Variants in VSX2 observed in about 807,000 individuals in gnomAD.
The protein encoded by VSX2 is ceh-10 homeo domain containing homolog.
In VSX2, 28 loss-of-function variants were observed where a neutral mutation model predicts 32.1. The observed-to-expected ratio is 0.87, with a 90% CI of 0.65 to 1.20. VSX2 has a LOEUF of 1.20. Ranked by LOEUF, VSX2 falls within the 50% of genes most tolerant of loss-of-function variation. The pLI is 0.00. For missense variants in VSX2, 506 were observed against 488.7 expected (o/e 1.04, Z -0.33); for synonymous variants, 243 against 214.1 (o/e 1.14, Z -1.18).
chr14:74,245,697 TG>T (rs1197439973), intron 3 of VSX2, among the ~76,000 whole-genome samples: 2 of 151,852 alleles, frequency 1.3e-5, no homozygotes, highest in African/African-American at 2.4e-5. Flanking sequence ...AAGAGGAAGG[TG>T]GCTTCTAGTC....
rs913470737 is a variant in VSX2 at position 74,252,352 on chromosome 14, A to G, written c.579+7064A>G. 3.3e-5 allele frequency among the ~76,000 whole-genome samples: 5 copies of G among 151,514 alleles called. No homozygotes were observed. The East Asian group carries it at 9.7e-4, about 29-fold the overall frequency. Reference sequence around the variant, plus strand: ...GGAGGCACCTGCCAGACAACTGTGGACAGCCACAGTCTTTCCACACAACCT... The same window carrying G: ...GGAGGCACCTGCCAGACAACTGTGGGCAGCCACAGTCTTTCCACACAACCT... On this transcript the variant is annotated intron_variant, in intron 3 of 4. Coordinates refer to ENST00000261980, the MANE Select transcript of VSX2 (RefSeq NM_182894.3).
At chr14:74,242,556 T>C (rs561325881) in intron 2 of VSX2, among the ~76,000 whole-genome samples, 38 of 152,212 alleles carry the variant, frequency 2.5e-4, no homozygotes, top group Non-Finnish European at 4.3e-4. Context: ...TGCATTTGTT[T>C]AGTTTGTATT....
rs542859512 is a variant in VSX2 at position 74,246,716 on chromosome 14, G to A, written c.579+1428G>A. On this transcript the variant is annotated intron_variant, in intron 3 of 4. Transcript: ENST00000261980. ...CATTCCAGGTGGCTGCGGCAGGGAGGAGCAATGACAAATCCCCGCTGTTGG... is the reference window on the plus strand; with the variant it reads ...CATTCCAGGTGGCTGCGGCAGGGAGAAGCAATGACAAATCCCCGCTGTTGG... Among the ~76,000 whole-genome samples the A allele has an allele frequency of 9.7e-4, 147 of 152,280 alleles. 9 individuals carry two copies. The South Asian group carries it at 0.03, about 31-fold the overall frequency.
chr14:74,244,921 T>TGA (rs1284411032), intron 2 of VSX2, among the ~76,000 whole-genome samples: 17 of 36,970 alleles, frequency 4.6e-4, no homozygotes, highest in Middle Eastern at 0.014. Context: ...TGTGTGTGTG[T>TGA]GTGTGTGTGA....
At position 74,261,210 on chromosome 14, in the gene VSX2, A is replaced by T. The variant is rs148109679; in HGVS notation, c.*291A>T. 2.5e-3 allele frequency: 1,151 copies of T among 467,776 alleles called. 9 individuals carry two copies. The highest frequency in any genetic ancestry group is 0.02 in the African/African-American group (1,026 of 52,090). The allele number at this position is 467,776 out of a possible 1,614,324, so 29.0% of individuals were successfully genotyped here. On this transcript the variant is annotated 3_prime_UTR_variant, in exon 5 of 5. Transcript: ENST00000261980. ...TTCTCTCAATCCCTTTGCAACGCTC[A>T]CTGGTTTTGGCCACCCCTTGCTCTC...
intron 3 of VSX2, among the ~76,000 whole-genome samples, chr14:74,246,001 C>T (rs920561002): frequency 1.2e-4 from 18 of 152,228 alleles, no homozygotes; most frequent in African/African-American, 1.2e-4. Flanking sequence ...CTCCACTTAG[C>T]GGCAGCAGGA....
chr14:74,246,583 G>C (rs1441152860), intron 3 of VSX2, among the ~76,000 whole-genome samples: 1 of 152,204 alleles, frequency 6.6e-6, no homozygotes, highest in Non-Finnish European at 1.5e-5. Context: ...GAGGTAAGCT[G>C]GGCGTTGATG....
intron 2 of VSX2, among the ~76,000 whole-genome samples, chr14:74,242,200 C>G (rs1409706638): frequency 2.6e-5 from 4 of 152,134 alleles, no homozygotes; most frequent in Admixed American, 6.6e-5. Context: ...GGTGCTGCCC[C>G]GGCGCTCACC....
chr14:74,260,511 CCTCT>C (rs1410041046), intron 4 of VSX2, 79 bp from the exon 5 acceptor site: 8 of 1,351,298 alleles, frequency 5.9e-6, no homozygotes, highest in African/African-American at 2.9e-5. Flanking sequence ...TTAATTCTGG[CCTCT>C]CTCTATCTTT....
chr14:74,247,592 C>T (rs1250551113), intron 3 of VSX2, among the ~76,000 whole-genome samples: 2 of 152,316 alleles, frequency 1.3e-5, no homozygotes, highest in East Asian at 3.9e-4. Flanking sequence ...GAGGCACAGC[C>T]TCTTGCCCAG....
At chr14:74,246,977 T>C (rs1311446238) in intron 3 of VSX2, among the ~76,000 whole-genome samples, 1 of 152,018 alleles carries the variant, frequency 6.6e-6, no homozygotes, top group Non-Finnish European at 1.5e-5. Context: ...GGGTTGCCTA[T>C]AAGGTGGTAT....
chr14:74,242,755 C>G (rs2079159162), intron 2 of VSX2, among the ~76,000 whole-genome samples: 1 of 151,934 alleles, frequency 6.6e-6, no homozygotes, highest in African/African-American at 2.4e-5. Context: ...GCAGGGAGGG[C>G]AGGTCAGAGA....
At chr14:74,245,084 C>G in intron 2 of VSX2, 81 bp from the exon 3 acceptor site, 1 of 1,596,842 alleles carries the variant, frequency 6.3e-7, no homozygotes, top group Non-Finnish European at 8.5e-7. Flanking sequence ...CCAGGAGACA[C>G]AGAGGAAGGC....
intron 3 of VSX2, among the ~76,000 whole-genome samples, chr14:74,247,525 T>C (rs926742254): frequency 6.6e-6 from 1 of 152,192 alleles, no homozygotes; most frequent in Non-Finnish European, 1.5e-5. Flanking sequence ...TCTTATTAAG[T>C]CCTGGTGACA....
chr14:74,241,440 C>T (rs1390831535), intron 2 of VSX2, among the ~76,000 whole-genome samples, 174 bp downstream of exon 2: 3 of 152,372 alleles, frequency 2.0e-5, no homozygotes, highest in South Asian at 2.1e-4. Context: ...GCCTTGGCGT[C>T]GGCACCGGTT....
chr14:74,245,854 C>G (rs1021951898), intron 3 of VSX2, among the ~76,000 whole-genome samples: 3 of 152,230 alleles, frequency 2.0e-5, no homozygotes, highest in Admixed American at 6.5e-5. Flanking sequence ...ACCTGCTGCT[C>G]CTTTTCTTCT....
At chr14:74,243,071 T>G (rs1473910033) in intron 2 of VSX2, among the ~76,000 whole-genome samples, 4 of 152,184 alleles carry the variant, frequency 2.6e-5, no homozygotes, top group African/African-American at 4.8e-5. Context: ...GAGAGGAGAA[T>G]GGCTACGGAT....
intron 2 of VSX2, among the ~76,000 whole-genome samples, chr14:74,243,290 A>G (rs541533047): frequency 2.0e-5 from 3 of 152,208 alleles, no homozygotes; most frequent in Non-Finnish European, 2.9e-5. Context: ...CTTTCTCTCT[A>G]CTGGGAAAGC....
At chr14:74,256,503 T>A (rs2079263590) in intron 3 of VSX2, among the ~76,000 whole-genome samples, 1 of 152,100 alleles carries the variant, frequency 6.6e-6, no homozygotes, top group Non-Finnish European at 1.5e-5. Flanking sequence ...ATGCACTGTA[T>A]TCAAGCAGGA....
Sources: allele counts gnomAD v4.1 joint callset (sites outside exome capture counted in the v4.1 genomes callset), GRCh38; gene constraint gnomAD v4.1.1; transcripts MANE v1.5; gene names NCBI Gene and HGNC (gene_info 2026-07-23, HGNC 2026-07-21).